The following MGAT4C variants were observed in gnomAD, a reference collection of about 807,000 sequenced individuals.
MGAT4C encodes the protein alpha-1,3-mannosyl-glycoprotein 4-beta-N-acetylglucosaminyltransferase C.
Under a neutral mutation model 40.1 loss-of-function variants are expected in MGAT4C, and 19 were observed. That is an observed-to-expected ratio of 0.47 (90% CI 0.33 to 0.70). The LOEUF is 0.70. MGAT4C is among the 30% of genes least tolerant of loss of function. MGAT4C has a pLI of 0.02. For synonymous variants in MGAT4C, 181 were observed against 187.1 expected, an observed-to-expected ratio of 0.97 and a Z score of 0.27; for missense variants, 491 against 563.2, an observed-to-expected ratio of 0.87 and a Z score of 1.30.
intron 3 of MGAT4C, among the ~76,000 whole-genome samples, chr12:86,335,271 T>A (rs1212358829): frequency 6.6e-6 from 1 of 152,098 alleles, no homozygotes; most frequent in African/African-American, 2.4e-5. Context: ...ACACTTGTTA[T>A]TTTATTATTT....
intron 1 of MGAT4C, among the ~76,000 whole-genome samples, chr12:86,227,948 ATGGC>A (rs1566180685): frequency 6.6e-6 from 1 of 151,930 alleles, no homozygotes. Flanking sequence ...TTTCTGAATC[ATGGC>A]TTTTTAATAT....
At chr12:86,002,343 C>T (rs1421823668) in intron 2 of MGAT4C, 1 of 152,168 alleles carries the variant, frequency 6.6e-6, no homozygotes, top group Non-Finnish European at 1.5e-5. Context: ...TGGTCACAGC[C>T]TCCATAACAT....
rs904220599 is a variant in MGAT4C at position 86,214,758 on chromosome 12, C to G, written c.-57+41481G>C. Among the ~76,000 whole-genome samples the G allele has an allele frequency of 2.6e-5, 4 of 152,178 alleles. No homozygotes were observed. In the South Asian group the frequency reaches 6.2e-4, roughly 24 times the overall value. On this transcript the variant is annotated intron_variant, in intron 1 of 4. Coordinates refer to ENST00000611864, the MANE Select transcript of MGAT4C (RefSeq NM_001351288.2). ...CCATCACATTGAGGATTAAGACTTC[C>G]ACATATAAATTTTAGAAGACAAAAA... is the stretch of plus-strand genomic sequence containing the variant.
At chr12:86,208,342 C>T (rs1950340470) in intron 1 of MGAT4C, among the ~76,000 whole-genome samples, 1 of 152,160 alleles carries the variant, frequency 6.6e-6, no homozygotes, top group Admixed American at 6.5e-5. Context: ...TGGCATGCGC[C>T]TGTAATCCCA....
At chr12:86,066,139 T>C (rs183509691) in intron 1 of MGAT4C, among the ~76,000 whole-genome samples, 3 of 152,032 alleles carry the variant, frequency 2.0e-5, no homozygotes, top group Admixed American at 2.0e-4. Context: ...ACTGCCCAAA[T>C]TAATTTATAG....
chr12:86,682,538 T>C (rs1950001504), intron 2 of MGAT4C, among the ~76,000 whole-genome samples: 1 of 152,134 alleles, frequency 6.6e-6, no homozygotes, highest in African/African-American at 2.4e-5. Context: ...CATATCATAA[T>C]TAAACACTGG....
chr12:86,130,991 GTTA>G (rs907921032), intron 1 of MGAT4C, among the ~76,000 whole-genome samples: 3 of 151,866 alleles, frequency 2.0e-5, no homozygotes, highest in African/African-American at 7.3e-5. Flanking sequence ...TATTAAAACT[GTTA>G]TTATATAATA....
chr12:86,350,587 T>A (rs1203375867), intron 3 of MGAT4C, among the ~76,000 whole-genome samples: 1 of 152,244 alleles, frequency 6.6e-6, no homozygotes, highest in East Asian at 1.9e-4. Flanking sequence ...CAAATGGAAT[T>A]CACTTATGCA....
intron 4 of MGAT4C, among the ~76,000 whole-genome samples, chr12:86,262,047 G>A (rs1298151738): frequency 2.6e-5 from 4 of 152,050 alleles, no homozygotes; most frequent in African/African-American, 9.7e-5. Context: ...AGAACACTAG[G>A]CATAAATTTA....
chr12:86,004,465 A>G (rs1312338073), intron 2 of MGAT4C, among the ~76,000 whole-genome samples: 2 of 152,072 alleles, frequency 1.3e-5, no homozygotes, highest in African/African-American at 4.8e-5. Context: ...ATTTTTTGTC[A>G]TTCACATATA....
chr12:86,504,936 CG>C (rs1958444452), intron 2 of MGAT4C, among the ~76,000 whole-genome samples: 1 of 152,034 alleles, frequency 6.6e-6, no homozygotes, highest in East Asian at 1.9e-4. Flanking sequence ...CATGAGACAC[CG>C]GCGCCCAGCC....
chr12:86,199,240 A>G (rs1031615817), intron 1 of MGAT4C, among the ~76,000 whole-genome samples: 6 of 152,148 alleles, frequency 3.9e-5, no homozygotes, highest in Non-Finnish European at 8.8e-5. Flanking sequence ...ATCCTCAGGG[A>G]TAGAAGCAGC....
chr12:86,476,704 A>ATG (rs530177896), intron 2 of MGAT4C, among the ~76,000 whole-genome samples: 4 of 152,288 alleles, frequency 2.6e-5, no homozygotes, highest in South Asian at 4.1e-4. Context: ...TGGATTGGAT[A>ATG]AAGAAAATAT....
At chr12:86,585,246 T>A (rs181835990) in intron 2 of MGAT4C, among the ~76,000 whole-genome samples, 1 of 151,578 alleles carries the variant, frequency 6.6e-6, no homozygotes. Context: ...TCAAAATTAA[T>A]TCATTATTAA....
chr12:86,301,053 ACTCTTT>A (rs1203735632), intron 4 of MGAT4C, among the ~76,000 whole-genome samples: 1 of 151,956 alleles, frequency 6.6e-6, no homozygotes, highest in East Asian at 1.9e-4. Context: ...ATTGACATTA[ACTCTTT>A]TTAATTCTAC....
chr12:86,173,672 A>T (rs1417759298), intron 1 of MGAT4C, among the ~76,000 whole-genome samples: 3 of 152,022 alleles, frequency 2.0e-5, no homozygotes, highest in Non-Finnish European at 4.4e-5. Flanking sequence ...TATTCATTTG[A>T]TAGGGAAATA....
chr12:86,582,106 G>A (rs1960803164), intron 2 of MGAT4C, among the ~76,000 whole-genome samples: 1 of 151,302 alleles, frequency 6.6e-6, no homozygotes, highest in Non-Finnish European at 1.5e-5. Context: ...AAATGCATTA[G>A]TATTTATTTT....
At chr12:86,231,732 T>C (rs1177850112) in intron 1 of MGAT4C, among the ~76,000 whole-genome samples, 1 of 152,160 alleles carries the variant, frequency 6.6e-6, no homozygotes, top group Non-Finnish European at 1.5e-5. Context: ...ATAATAATAG[T>C]ATGATGCATT....
At chr12:86,008,150 T>C (rs1379493599) in intron 2 of MGAT4C, among the ~76,000 whole-genome samples, 1 of 152,068 alleles carries the variant, frequency 6.6e-6, no homozygotes, top group Non-Finnish European at 1.5e-5. Context: ...CAATCTAGAA[T>C]TTTTATTAAA....
Sources: allele counts gnomAD v4.1 joint callset (sites outside exome capture counted in the v4.1 genomes callset), GRCh38; gene constraint gnomAD v4.1.1; transcripts MANE v1.5; gene names NCBI Gene and HGNC (gene_info 2026-07-23, HGNC 2026-07-21).